The following NOL4 variants were observed in gnomAD, a reference collection of about 807,000 sequenced individuals.
NOL4 encodes the protein nucleolar protein 4, also known as cancer/testis antigen 125.
In NOL4, 17 loss-of-function variants were observed where a neutral mutation model predicts 75.9. The ratio of observed to expected loss-of-function variants is 0.22; its 90% confidence interval spans 0.15 to 0.34. The LOEUF is 0.34. Among genes scored for constraint, NOL4 ranks in the 10% least tolerant of loss-of-function variants. NOL4 has a pLI of 1.00. For synonymous variants in NOL4, 292 were observed against 289.9 expected, an observed-to-expected ratio of 1.01 and a Z score of -0.07; for missense variants, 614 against 793.5, an observed-to-expected ratio of 0.77 and a Z score of 2.72.
intron 1 of NOL4, among the ~76,000 whole-genome samples, chr18:34,197,500 G>A (rs903795699): frequency 2.0e-5 from 3 of 151,986 alleles, no homozygotes; most frequent in African/African-American, 7.2e-5. Flanking sequence ...AGAAGCTAAC[G>A]AATAGTGGCA....
Position 34,224,507 on chromosome 18 carries a change from C to T in NOL4, c.-1254G>A, listed in dbSNP as rs2037497923. 1 of 152,316 alleles carries T rather than the reference C, an allele frequency of 6.6e-6. No homozygotes were observed. The highest frequency in any genetic ancestry group is 6.5e-5 in the Admixed American group (1 of 15,286). The allele number at this position is 152,316 out of a possible 1,614,324, so 9.4% of individuals were successfully genotyped here. ...TCCAGAGCTGGAAATAGGGGAGTTC[C>T]CATCCTCCTCGCGCGGCGGCTGCGG... On this transcript the variant is annotated 5_prime_UTR_variant, in exon 1 of 11. Transcript: ENST00000261592.
chr18:33,942,128 C>T (rs533362928), intron 9 of NOL4, among the ~76,000 whole-genome samples: 5 of 151,946 alleles, frequency 3.3e-5, no homozygotes, highest in South Asian at 4.1e-4. Flanking sequence ...AATGAAAAAA[C>T]GTTTTTGCTT....
chr18:34,017,679 A>G (rs1225683212), intron 6 of NOL4, among the ~76,000 whole-genome samples: 1 of 152,122 alleles, frequency 6.6e-6, no homozygotes, highest in East Asian at 1.9e-4. Context: ...ACTATTTTCT[A>G]TCTTCATCTT....
At chr18:33,951,413 C>A (rs1479381029) in intron 8 of NOL4, among the ~76,000 whole-genome samples, 1 of 151,894 alleles carries the variant, frequency 6.6e-6, no homozygotes, top group African/African-American at 2.4e-5. Flanking sequence ...AATTTATTTG[C>A]TCTTCTGTGG....
At chr18:34,161,619 T>C (rs35032728) in intron 1 of NOL4, among the ~76,000 whole-genome samples, 36,465 of 152,078 alleles carry the variant, frequency 0.24, 5,146 homozygotes, top group East Asian at 0.44. Context: ...TTTTTTCATA[T>C]ACTTGTTGGC....
Position 33,898,260 on chromosome 18 carries a change from A to C in NOL4, c.1543-14836T>G, listed in dbSNP as rs1414552338. ...TTTTCTTAACCCCTTTTGACACAACATTCTCTTTTGGTAAAATAGTTGCAT... is the reference window on the plus strand; with the variant it reads ...TTTTCTTAACCCCTTTTGACACAACCTTCTCTTTTGGTAAAATAGTTGCAT... On this transcript the variant is annotated intron_variant, in intron 9 of 10. Coordinates refer to ENST00000261592, the MANE Select transcript of NOL4 (RefSeq NM_003787.5). 2.6e-5 allele frequency among the ~76,000 whole-genome samples: 4 copies of C among 152,194 alleles called. No homozygotes were observed. In the East Asian group the frequency reaches 7.7e-4, roughly 29 times the overall value.
At chr18:33,902,189 T>C (rs1249449038) in intron 9 of NOL4, among the ~76,000 whole-genome samples, 2 of 152,098 alleles carry the variant, frequency 1.3e-5, no homozygotes, top group South Asian at 2.1e-4. Context: ...TTATAATAGT[T>C]CTTCTATGAT....
intron 9 of NOL4, among the ~76,000 whole-genome samples, chr18:33,919,913 CTGTG>C (rs1599868221): frequency 6.6e-6 from 1 of 152,054 alleles, no homozygotes; most frequent in South Asian, 2.1e-4. Flanking sequence ...AGATGGGGGG[CTGTG>C]TGTGTATGTG....
At chr18:34,065,713 C>A (rs1198128277) in intron 5 of NOL4, among the ~76,000 whole-genome samples, 1 of 151,860 alleles carries the variant, frequency 6.6e-6, no homozygotes, top group East Asian at 1.9e-4. Flanking sequence ...AAATCTATGT[C>A]TACTCACTAG....
chr18:33,905,726 T>C lies in NOL4; in HGVS notation c.1543-22302A>G, dbSNP rs557178484. Among the ~76,000 whole-genome samples, 8 of 152,316 alleles carry C rather than the reference T, an allele frequency of 5.3e-5. No homozygotes were observed. In the South Asian group the frequency reaches 1.7e-3, roughly 32 times the overall value. On this transcript the variant is annotated intron_variant, in intron 9 of 10. Transcript: ENST00000261592. Reference sequence around the variant, plus strand: ...ACTATATGCTGTATATCAGGAAGCATGCACCCAGAAGTTCCATGCTTCTTT... The same window carrying C: ...ACTATATGCTGTATATCAGGAAGCACGCACCCAGAAGTTCCATGCTTCTTT...
intron 1 of NOL4, among the ~76,000 whole-genome samples, chr18:34,210,784 C>G (rs1368019834): frequency 6.6e-6 from 1 of 152,064 alleles, no homozygotes; most frequent in African/African-American, 2.4e-5. Flanking sequence ...AGAGAGTGAC[C>G]TTTTTTATTT....
chr18:34,222,500 T>C, intron 1 of NOL4: 4 of 958,646 alleles, frequency 4.2e-6, no homozygotes, highest in Non-Finnish European at 5.0e-6. Flanking sequence ...AAACCCCACA[T>C]CCACCGCTAG....
At chr18:34,215,396 T>C (rs1180231794) in intron 1 of NOL4, among the ~76,000 whole-genome samples, 4 of 152,182 alleles carry the variant, frequency 2.6e-5, no homozygotes, top group African/African-American at 9.7e-5. Context: ...TTCTTCAAAA[T>C]AGTTTTGTGG....
In NOL4 at chr18:33,919,587, G is replaced by A. The variant is rs117513623; in HGVS notation, c.1542+23478C>T. ...AAAAGACATGTATAGATTATTTTTA[G>A]TTTGACTTTAGAACGGAAGATATAA... is the stretch of plus-strand genomic sequence containing the variant. On this transcript the variant is annotated intron_variant, in intron 9 of 10. Coordinates refer to ENST00000261592, the MANE Select transcript of NOL4 (RefSeq NM_003787.5). Among the ~76,000 whole-genome samples the A allele has an allele frequency of 4.6e-3, 697 of 152,278 alleles. 8 individuals are homozygous for A. The highest frequency in any genetic ancestry group is 5.9e-3 in the Non-Finnish European group (400 of 68,016).
chr18:33,927,371 G>T (rs2067404575), intron 9 of NOL4, among the ~76,000 whole-genome samples: 1 of 152,128 alleles, frequency 6.6e-6, no homozygotes, highest in Admixed American at 6.5e-5. Flanking sequence ...TCCTGATGAA[G>T]CTATAGGTAA....
chr18:33,963,424 T>C (rs1160511379), intron 6 of NOL4, among the ~76,000 whole-genome samples: 2 of 152,158 alleles, frequency 1.3e-5, no homozygotes, highest in African/African-American at 2.4e-5. Context: ...AAATAACCCA[T>C]ATAATATATG....
intron 1 of NOL4, among the ~76,000 whole-genome samples, chr18:34,148,240 T>G (rs1403369362): frequency 6.6e-6 from 1 of 152,126 alleles, no homozygotes; most frequent in Non-Finnish European, 1.5e-5. Context: ...CTTTGTTATC[T>G]CTTGTCTTCT....
intron 8 of NOL4, among the ~76,000 whole-genome samples, chr18:33,946,674 A>G (rs2068855574): frequency 6.6e-6 from 1 of 151,788 alleles, no homozygotes; most frequent in South Asian, 2.1e-4. Context: ...GAATATATCA[A>G]GATCTCCCTA....
intron 1 of NOL4, among the ~76,000 whole-genome samples, chr18:34,144,731 T>C (rs1282633782): frequency 6.6e-6 from 1 of 152,172 alleles, no homozygotes; most frequent in African/African-American, 2.4e-5. Context: ...CATATAAAAA[T>C]TTAATGCAAT....
Sources: gnomAD v4.1 joint callset for allele counts (sites outside exome capture counted in the v4.1 genomes callset) on GRCh38, gnomAD v4.1.1 for gene constraint, MANE v1.5 for transcripts, NCBI Gene and HGNC (gene_info 2026-07-23, HGNC 2026-07-21) for gene names.